The following KCNH3 variants were observed in gnomAD, a reference collection of about 807,000 sequenced individuals.
KCNH3 encodes the protein potassium voltage-gated channel subfamily H member 3.
KCNH3 carries 36 observed loss-of-function variants against 95.6 expected under a neutral mutation model. The ratio of observed to expected loss-of-function variants is 0.38; its 90% CI spans 0.29 to 0.50. KCNH3 has a LOEUF of 0.50. Ranked by LOEUF, KCNH3 falls within the 20% of genes least tolerant of loss-of-function variation. The probability of loss-of-function intolerance (pLI) is 0.95; values close to 1 mark genes in which losing one functional copy is unlikely to be tolerated. For synonymous variants in KCNH3, 620 were observed against 646.3 expected, an observed-to-expected ratio of 0.96 and a Z score of 0.62; for missense variants, 1,030 against 1,484.1, an observed-to-expected ratio of 0.69 and a Z score of 5.03.
At chr12:49,555,096 G>A (rs535585777) in intron 11 of KCNH3, among the ~76,000 whole-genome samples, 7 of 152,004 alleles carry the variant, frequency 4.6e-5, no homozygotes, top group Non-Finnish European at 8.8e-5. Flanking sequence ...ATTTTGAGAG[G>A]TAGTTAACAC....
In KCNH3 at chr12:49,557,698, C is replaced by T. The variant is rs1938524189; in HGVS notation, c.2997C>T (p.Asp999=). 1 of 1,613,766 alleles carries T rather than the reference C, an allele frequency of 6.2e-7. No homozygotes were observed. The highest frequency in any genetic ancestry group is 1.7e-5 in the Admixed American group (1 of 60,008). The change falls in exon 15 of 15, where the codon GAC becomes GAT. Residue 999 remains aspartate, a synonymous_variant. Transcript: ENST00000257981. ...CAGCTTTCTGGACCTCCACCTCAGA[C>T]TCAGAGCCCCCTGCCTCAGGAGACC... is the stretch of plus-strand genomic sequence containing the variant. ...RATAFWTSTS[D]SEPPASGDLC...
At chr12:49,542,872 G>C (rs1411367448) in intron 4 of KCNH3, 33 bp downstream of exon 4, 4 of 1,598,404 alleles carry the variant, frequency 2.5e-6, no homozygotes, top group Non-Finnish European at 3.4e-6. Context: ...TGGGAGAGGG[G>C]AGGGGCAGAC....
In KCNH3 at chr12:49,557,857, CT is replaced by C; in HGVS notation, c.3158del (p.Leu1053CysfsTer36). 1 of 1,587,246 alleles carries C rather than the reference CT, an allele frequency of 6.3e-7. No homozygotes were observed. Among genetic ancestry groups the C allele is most frequent in the Admixed American group, 1.8e-5 (1 of 56,500 alleles). On this transcript the variant is annotated frameshift_variant, in exon 15 of 15. Coordinates refer to ENST00000257981, the MANE Select transcript of KCNH3 (RefSeq NM_012284.3). LOFTEE classifies it high-confidence loss of function. ...CCCCACCAGGGTCAGGGGGCCTGGC[CT>C]TGCCCTGGGACCCCCACAGCCTGGA... ...EPPPGSGGLA[L>X]PWDPHSLEMV...
At chr12:49,551,609 TA>T (rs1386873466) in intron 10 of KCNH3, among the ~76,000 whole-genome samples, 2 of 137,418 alleles carry the variant, frequency 1.5e-5, no homozygotes, top group African/African-American at 5.5e-5. Context: ...GAAAAGCCAC[TA>T]AAGAGGAGCA....
intron 12 of KCNH3, 94 bp from the exon 13 acceptor site, chr12:49,556,276 G>A: frequency 1.1e-6 from 1 of 906,438 alleles, no homozygotes; most frequent in South Asian, 1.4e-5. Flanking sequence ...CGCTCCTGCA[G>A]CCTGTGTGTG....
intron 11 of KCNH3, 53 bp downstream of exon 11, chr12:49,554,607 T>C (rs1274818006): frequency 2.0e-6 from 3 of 1,493,310 alleles, no homozygotes; most frequent in Admixed American, 1.7e-5. Context: ...GGGAGCCTGG[T>C]GAAGTGGGCA....
In KCNH3 at chr12:49,557,594, C is replaced by T. The variant is rs59261129; in HGVS notation, c.2893C>T (p.Arg965Cys). The change falls in exon 15 of 15, where the codon CGT becomes TGT. Residue 965 changes from arginine to cysteine, a missense_variant. Coordinates refer to ENST00000257981, the MANE Select transcript of KCNH3 (RefSeq NM_012284.3). Reference sequence around the variant, plus strand: ...CTTGAGTGGGACTTGGCCCCACCCTCGTCCGGGGCCTCCTCCCCTCATGGC... The same window carrying T: ...CTTGAGTGGGACTTGGCCCCACCCTTGTCCGGGGCCTCCTCCCCTCATGGC... ...SVLSGTWPHPRPGPPPLMAPW... is the reference protein window; with the variant it reads ...SVLSGTWPHPCPGPPPLMAPW... 116,051 of 1,612,988 alleles carry T rather than the reference C, an allele frequency of 0.072. 4,483 individuals are homozygous for T. The highest frequency in any genetic ancestry group is 0.14 in the African/African-American group (10,383 of 75,008).
chr12:49,549,038 G>C lies in KCNH3; in HGVS notation c.1333G>C (p.Gly445Arg), dbSNP rs1348681652. The change falls in exon 8 of 15, where the codon GGC becomes CGC. Residue 445 changes from glycine to arginine, a missense_variant. By Grantham distance (125) the Gly-to-Arg change is moderately radical. Transcript: ENST00000257981. Reference protein sequence around the residue: ...ANGTGLELLGGPSLRSAYITS... With the variant: ...ANGTGLELLGRPSLRSAYITS... ...CGGGACGGGGCTGGAGCTGCTGGGC[G>C]GCCCGTCGCTGCGCAGCGCCTACAT... 1 of 1,611,932 alleles carries C rather than the reference G, an allele frequency of 6.2e-7. No homozygotes were observed. The highest frequency in any genetic ancestry group is 8.5e-7 in the Non-Finnish European group (1 of 1,179,590).
At chr12:49,556,782 A>G (rs1166718881) in intron 13 of KCNH3, 1 of 658,180 alleles carries the variant, frequency 1.5e-6, no homozygotes, top group Admixed American at 2.1e-5. Flanking sequence ...TTTACGTTAT[A>G]TAATGTAACT....
intron 7 of KCNH3, 138 bp from the exon 8 acceptor site, chr12:49,548,757 G>A (rs1160593247): frequency 1.3e-5 from 11 of 821,976 alleles, no homozygotes; most frequent in Non-Finnish European, 1.1e-5. Context: ...GGAGAGGGGT[G>A]TGCTAGGCTG....
rs1323956715 is a variant in KCNH3, at chr12:49,543,629, A to G, written c.823+111A>G. The G allele has an allele frequency of 2.9e-6, 4 of 1,394,738 alleles. No individual in the cohort carries two copies. The South Asian group carries it at 5.6e-5, about 19-fold the overall frequency. 86.4% of individuals were successfully genotyped at this position (1,394,738 alleles called of 1,614,324 possible). A position where few individuals can be genotyped will look rare whatever the true frequency, so the allele number is the denominator to read the frequency against. On this transcript the variant is annotated intron_variant, in intron 5 of 14. Transcript: ENST00000257981. ...TACAGTGCCCCCCTCGCTCTCTCTC[A>G]TTTGTAACCTGTGAGCTTTGAAATC...
chr12:49,556,173 C>T, intron 12 of KCNH3, 197 bp from the exon 13 acceptor site: 1 of 602,058 alleles, frequency 1.7e-6, no homozygotes, highest in Non-Finnish European at 3.0e-6. Context: ...TCTTGCATCT[C>T]ATGCTGCTCA....
chr12:49,547,033 T>TA (rs1390025479), intron 7 of KCNH3, among the ~76,000 whole-genome samples: 1 of 151,526 alleles, frequency 6.6e-6, no homozygotes, highest in Non-Finnish European at 1.5e-5. Context: ...TAGCTGGGAT[T>TA]ACAGGCATGC....
Position 49,544,181 on chromosome 12 carries a change from G to A in KCNH3, c.988G>A (p.Gly330Arg), listed in dbSNP as rs774963226. The A allele has an allele frequency of 1.2e-5, 18 of 1,512,792 alleles. No individual in the cohort carries two copies. Among genetic ancestry groups the A allele is most frequent in the African/African-American group, 3.0e-5 (2 of 66,966 alleles). 93.7% of individuals were successfully genotyped at this position (1,512,792 alleles called of 1,614,324 possible). The change falls in exon 7 of 15, where the codon GGG (glycine) becomes AGG (arginine). Residue 330 changes from glycine (G) to arginine (R), a missense_variant. Gly to Arg is a moderately radical substitution (Grantham distance 125). Transcript: ENST00000257981. ...CTCCCTCCCCGCATCTCAGTACTTC[G>A]GGGCCCATCTGCTGAAGACGGTGCG... ...LHAFKVNVYFGAHLLKTVRLL... is the reference protein window; with the variant it reads ...LHAFKVNVYFRAHLLKTVRLL...
Position 49,549,230 on chromosome 12 carries a change from G to A in KCNH3, c.1468+57G>A, listed in dbSNP as rs1016574798. 7 of 1,527,184 alleles carry A rather than the reference G, an allele frequency of 4.6e-6. No homozygotes were observed. The Admixed American group carries it at 1.4e-4, about 30-fold the overall frequency. The allele number at this position is 1,527,184 out of a possible 1,614,324, so 94.6% of individuals were successfully genotyped here. A position where few individuals can be genotyped will look rare whatever the true frequency, so the allele number is the denominator to read the frequency against. On this transcript the variant is annotated intron_variant, in intron 8 of 14. Transcript: ENST00000257981. The stretch of plus-strand genomic sequence containing the variant: ...CACTCCCAGACTTCTGCCCGCAGGC[G>A]GCGCCGTCCCACTCCCCGGAGGGCC...
At chr12:49,545,853 T>C (rs1173534185) in intron 7 of KCNH3, among the ~76,000 whole-genome samples, 2 of 151,976 alleles carry the variant, frequency 1.3e-5, no homozygotes, top group Non-Finnish European at 1.5e-5. Context: ...GAGGACCCAT[T>C]TGAAATTTTC....
At position 49,548,989 on chromosome 12, in the gene KCNH3, C is replaced by T; in HGVS notation, c.1284C>T (p.Asn428=). Reference sequence around the variant, plus strand: ...GGAACAGCTCCGGCCAGAGTGACAACTGCAGCAGCAGCAGCGAGGCCAACG... The same window carrying T: ...GGAACAGCTCCGGCCAGAGTGACAATTGCAGCAGCAGCAGCGAGGCCAACG... ...AGGNSSGQSD[N]CSSSSEANGT... is the part of the protein sequence containing the mutation. The change falls in exon 8 of 15, where the codon AAC becomes AAT. Residue 428 remains asparagine (N), a synonymous_variant. Transcript: ENST00000257981. The T allele has an allele frequency of 6.2e-7, 1 of 1,611,160 alleles. No homozygotes were observed. Among genetic ancestry groups the T allele is most frequent in the Non-Finnish European group, 8.5e-7 (1 of 1,179,284 alleles).
At chr12:49,541,413 C>T (rs1374840133) in intron 2 of KCNH3, among the ~76,000 whole-genome samples, 1 of 152,176 alleles carries the variant, frequency 6.6e-6, no homozygotes, top group Non-Finnish European at 1.5e-5. Flanking sequence ...GGCAGATCTA[C>T]CACACGACAG....
chr12:49,548,591 G>A (rs1304806501), intron 7 of KCNH3, among the ~76,000 whole-genome samples: 1 of 152,210 alleles, frequency 6.6e-6, no homozygotes, highest in Non-Finnish European at 1.5e-5. Context: ...GAGCACCCCA[G>A]TCCTTTTGCC....
Sources: gnomAD v4.1 joint callset for allele counts (sites outside exome capture counted in the v4.1 genomes callset) on GRCh38, gnomAD v4.1.1 for gene constraint, MANE v1.5 for transcripts, NCBI Gene and HGNC (gene_info 2026-07-23, HGNC 2026-07-21) for gene names.